Variants in IQSEC2 observed in about 807,000 individuals in gnomAD.
IQSEC2 encodes the protein IQ motif and SEC7 domain-containing protein 2.
Under a neutral mutation model 74.6 loss-of-function variants are expected in IQSEC2, and 6 were observed. That is an observed-to-expected ratio of 0.08 (90% CI 0.04 to 0.16). The LOEUF (loss-of-function observed/expected upper bound fraction) is 0.16, where lower values mean the gene tolerates loss of function less well. Ranked by LOEUF, IQSEC2 falls within the 10% of genes least tolerant of loss-of-function variation. The pLI is 1.00. For synonymous variants in IQSEC2, 494 were observed against 544.5 expected (o/e 0.91, Z 1.29); for missense variants, 734 against 1,306.2 (o/e 0.56, Z 6.75).
At chrX:53,270,957 A>T (rs781967331) in intron 2 of IQSEC2, among the ~76,000 whole-genome samples, 4 of 109,634 alleles carry the variant, frequency 3.6e-5, no homozygotes, top group Non-Finnish European at 5.7e-5. Context: ...CTCCTCCCTC[A>T]TTTCCCTTCT....
intron 1 of IQSEC2, among the ~76,000 whole-genome samples, chrX:53,298,441 C>T (rs782502705): frequency 1.3e-4 from 15 of 111,885 alleles, no homozygotes; most frequent in Non-Finnish European, 2.1e-4. Context: ...ATCCTAGCTT[C>T]CAGTGTTGCT....
At chrX:53,312,085 A>G (rs1489648673) in intron 1 of IQSEC2, among the ~76,000 whole-genome samples, 1 of 111,336 alleles carries the variant, frequency 9.0e-6, no homozygotes, top group Non-Finnish European at 1.9e-5. Flanking sequence ...AAAACAAACA[A>G]ACAAAAAACC....
At chrX:53,308,121 G>A (rs1323796594) in intron 1 of IQSEC2, among the ~76,000 whole-genome samples, 3 of 86,621 alleles carry the variant, frequency 3.5e-5, no homozygotes, top group African/African-American at 1.4e-4. Flanking sequence ...CCAAGATCAC[G>A]CCACCGCACT....
rs1276408314 is a variant in IQSEC2 at position 53,233,373 on chromosome X, A to G, written c.*846T>C. ...CGAGGTGTGTGTGGGTGATATCTGT[A>G]AAGTGCATTGTCTTCAGTTGTAGGT... is the stretch of plus-strand genomic sequence containing the variant. On this transcript the variant is annotated 3_prime_UTR_variant, in exon 15 of 15. Coordinates refer to ENST00000642864, the MANE Select transcript of IQSEC2 (RefSeq NM_001111125.3). The G allele has an allele frequency of 1.8e-5, 2 of 111,461 alleles. No homozygotes were observed. The highest frequency in any genetic ancestry group is 3.8e-5 in the Non-Finnish European group (2 of 53,013). 9.2% of individuals were successfully genotyped at this position (111,461 alleles called of 1,213,427 possible).
At chrX:53,315,470 G>T (rs2075362037) in intron 1 of IQSEC2, among the ~76,000 whole-genome samples, 1 of 111,451 alleles carries the variant, frequency 9.0e-6, no homozygotes, top group African/African-American at 3.3e-5. Flanking sequence ...GGGTGGGTTA[G>T]AACACTGCGG....
In IQSEC2 at chrX:53,243,451, T is replaced by C. The variant is rs2147060656; in HGVS notation, c.2770A>G (p.Ile924Val). The part of the protein sequence containing the change: ...NLRGVDNGED[I>V]PRDLLVGIYQ... The stretch of plus-strand genomic sequence containing the variant: ...ATGCCCACCAGGAGGTCTCGGGGGA[T>C]GTCTTCACCATTGTCAACCCCTGGG... The change falls in exon 9 of 15, where the codon ATC (isoleucine) becomes GTC (valine). Residue 924 changes from isoleucine (I) to valine (V), a missense_variant. By Grantham distance (29) the Ile-to-Val change is conservative (BLOSUM62 3). Coordinates refer to ENST00000642864, the MANE Select transcript of IQSEC2 (RefSeq NM_001111125.3). 7 of 1,178,364 alleles carry C rather than the reference T, an allele frequency of 5.9e-6. No homozygotes were observed. The highest frequency in any genetic ancestry group is 8.0e-6 in the Non-Finnish European group (7 of 877,936).
At chrX:53,317,165 G>T (rs1160036584) in intron 1 of IQSEC2, among the ~76,000 whole-genome samples, 2 of 112,134 alleles carry the variant, frequency 1.8e-5, no homozygotes, top group Non-Finnish European at 3.8e-5. Flanking sequence ...GCTTGGGGGG[G>T]TATGTGGACA....
At chrX:53,263,223 G>A (rs1255867971) in intron 2 of IQSEC2, among the ~76,000 whole-genome samples, 1 of 111,884 alleles carries the variant, frequency 8.9e-6, no homozygotes, top group Non-Finnish European at 1.9e-5. Flanking sequence ...GAGGTTAGAT[G>A]GAAGAAGCTC....
At chrX:53,261,172 A>C (rs782141041) in intron 2 of IQSEC2, among the ~76,000 whole-genome samples, 17 of 111,185 alleles carry the variant, frequency 1.5e-4, no homozygotes, top group Non-Finnish European at 3.0e-4. Context: ...CCCCAGAACA[A>C]CACTCGGGGA....
chrX:53,234,318 G>T lies in IQSEC2; in HGVS notation c.4368C>A (p.Ser1456=). 1.7e-6 allele frequency: 1 copy of T among 587,777 alleles called. No individual in the cohort carries two copies. Among genetic ancestry groups the T allele is most frequent in the South Asian group, 4.0e-5 (1 of 25,012 alleles). The allele number at this position is 587,777 out of a possible 1,213,427, so 48.4% of individuals were successfully genotyped here. ...HTPHSPLPPT[S]PHGPLHASGP... Reference sequence around the variant, plus strand: ...CAGAGGCGTGCAGCGGGCCATGGGGGGAGGTGGGTGGAAGGGGTGAGTGCG... The same window carrying T: ...CAGAGGCGTGCAGCGGGCCATGGGGTGAGGTGGGTGGAAGGGGTGAGTGCG... The change falls in exon 15 of 15, where the codon TCC becomes TCA. Residue 1456 remains serine, a synonymous_variant. Transcript: ENST00000642864.
At chrX:53,278,489 A>C (rs1214631676) in intron 2 of IQSEC2, among the ~76,000 whole-genome samples, 1 of 111,866 alleles carries the variant, frequency 8.9e-6, no homozygotes, top group African/African-American at 3.3e-5. Flanking sequence ...ACTTATTAAT[A>C]CTTTATCAAA....
intron 1 of IQSEC2, among the ~76,000 whole-genome samples, chrX:53,303,986 C>G (rs2075236480): frequency 9.1e-6 from 1 of 109,650 alleles, no homozygotes; most frequent in Admixed American, 9.8e-5. Flanking sequence ...AAAAAATTAG[C>G]TGGGCGTGGT....
chrX:53,281,454 G>T, intron 2 of IQSEC2: 7 of 803,623 alleles, frequency 8.7e-6, no homozygotes, highest in Non-Finnish European at 1.3e-5. Flanking sequence ...CCAGGCCTGG[G>T]CAGGAAGGGA....
At chrX:53,258,675 C>T (rs181937085) in intron 2 of IQSEC2, among the ~76,000 whole-genome samples, 82 of 107,756 alleles carry the variant, frequency 7.6e-4, no homozygotes, top group Non-Finnish European at 1.2e-3. Flanking sequence ...GGCAACATGG[C>T]GAAAACCCGT....
At chrX:53,300,683 T>A (rs2075202682) in intron 1 of IQSEC2, among the ~76,000 whole-genome samples, 1 of 111,601 alleles carries the variant, frequency 9.0e-6, no homozygotes, top group South Asian at 3.7e-4. Flanking sequence ...GAAAGGGAAA[T>A]AAGCTGAATA....
rs1556865085 is a variant in IQSEC2, at chrX:53,255,959, G to A, written c.840C>T (p.His280=). Residue 280 remains histidine (H), a synonymous_variant, in exon 3 of 15, where the codon CAC becomes CAT. Transcript: ENST00000642864. Reference sequence around the variant, plus strand: ...CCACTCCAGCAGGGGGGCCCCCCATGTGGCTGCTGGAGGGGGGCAGCTGGC... The same window carrying A: ...CCACTCCAGCAGGGGGGCCCCCCATATGGCTGCTGGAGGGGGGCAGCTGGC... ...RLSQLPPSSS[H]MGGPPAGVGL... 8.4e-7 allele frequency: 1 copy of A among 1,194,024 alleles called. No individual in the cohort carries two copies. Among genetic ancestry groups the A allele is most frequent in the African/African-American group, 1.7e-5 (1 of 57,192 alleles).
At position 53,236,409 on chromosome X, in the gene IQSEC2, G is replaced by A. The variant is rs782697291; in HGVS notation, c.3364C>T (p.Arg1122Cys). 305 of 1,203,945 alleles carry A rather than the reference G, an allele frequency of 2.5e-4. 2 individuals are homozygous for A. In the South Asian group the frequency reaches 3.6e-3, roughly 14 times the overall value. Residue 1122 changes from arginine to cysteine, a missense_variant, in exon 13 of 15, where the codon CGC (arginine) becomes TGC (cysteine). Physicochemically the swap from Arg to Cys is radical, Grantham distance 180. Coordinates refer to ENST00000642864, the MANE Select transcript of IQSEC2 (RefSeq NM_001111125.3). ...CCGTAAGTGTCCTCCAGGCTACTGC[G>A]GGCCATCGTCCCATTCACTGAGTCC... is the stretch of plus-strand genomic sequence containing the variant. ...AKDSVNGTMA[R>C]SSLEDTYGAG... is the part of the protein sequence containing the mutation.
In IQSEC2 at chrX:53,320,593, C is replaced by T. The variant is rs1198105155; in HGVS notation, c.531G>A (p.Pro177=). The T allele has an allele frequency of 8.7e-7, 1 of 1,152,542 alleles. No homozygotes were observed. Among genetic ancestry groups the T allele is most frequent in the Non-Finnish European group, 1.2e-6 (1 of 867,554 alleles). The allele number at this position is 1,152,542 out of a possible 1,213,427, so 95.0% of individuals were successfully genotyped here. ...GRERGGREAG[P]AHPGREKEAG... ...CTTCCTTCTCGCGGCCCGGGTGCGCCGGCCCGGCCTCCCGCCCGCCACGCT... is the reference window on the plus strand; with the variant it reads ...CTTCCTTCTCGCGGCCCGGGTGCGCTGGCCCGGCCTCCCGCCCGCCACGCT... The change falls in exon 1 of 15, where the codon CCG becomes CCA. Residue 177 remains proline (P), a synonymous_variant. Transcript: ENST00000642864.
intron 2 of IQSEC2, among the ~76,000 whole-genome samples, chrX:53,283,465 G>A (rs1556871271): frequency 8.9e-6 from 1 of 112,105 alleles, no homozygotes; most frequent in African/African-American, 3.2e-5. Context: ...GGTAGACAAA[G>A]TGTGCACATG....
Sources: gnomAD v4.1 joint callset for allele counts (sites outside exome capture counted in the v4.1 genomes callset) on GRCh38, gnomAD v4.1.1 for gene constraint, MANE v1.5 for transcripts, NCBI Gene and HGNC (gene_info 2026-07-23, HGNC 2026-07-21) for gene names.